The following ADAMTS19 variants were observed in gnomAD, a reference collection of about 807,000 sequenced individuals.
The protein encoded by ADAMTS19 is A disintegrin and metalloproteinase with thrombospondin motifs 19.
In ADAMTS19, 93 loss-of-function variants were observed where a neutral mutation model predicts 153.3. The observed-to-expected ratio is 0.61, with a 90% CI of 0.51 to 0.72. The LOEUF (loss-of-function observed/expected upper bound fraction) is 0.72, where lower values mean the gene tolerates loss of function less well. ADAMTS19 is among the 30% of genes least tolerant of loss of function. The probability of loss-of-function intolerance (pLI) is 0.00; values close to 1 mark genes in which losing one functional copy is unlikely to be tolerated. For missense variants in ADAMTS19, 1,482 were observed against 1,552.1 expected, an observed-to-expected ratio of 0.95 and a Z score of 0.76; for synonymous variants, 600 against 556.6, an observed-to-expected ratio of 1.08 and a Z score of -1.10.
At chr5:129,602,556 T>A (rs1750710987) in intron 8 of ADAMTS19, among the ~76,000 whole-genome samples, 1 of 152,334 alleles carries the variant, frequency 6.6e-6, no homozygotes, top group East Asian at 1.9e-4. Flanking sequence ...GTTATGATTG[T>A]CATTTTACAG....
intron 17 of ADAMTS19, among the ~76,000 whole-genome samples, chr5:129,681,956 G>C (rs431265): frequency 0.15 from 22,440 of 152,132 alleles, 1,826 homozygotes; most frequent in East Asian, 0.3. Context: ...TGATTGTATT[G>C]CATAAAATGC....
chr5:129,638,893 T>C (rs924609074), intron 10 of ADAMTS19, among the ~76,000 whole-genome samples: 4 of 152,180 alleles, frequency 2.6e-5, no homozygotes, highest in African/African-American at 9.7e-5. Flanking sequence ...TTTATAATAT[T>C]TGTACAGGAC....
In ADAMTS19 at chr5:129,724,265, TG is replaced by T. The variant is rs144214707; in HGVS notation, c.3313-10666del. ...AAATAAGTTTTGGAGTAAATTACTT[TG>T]ATTTCTTTCAGGGCCTGCTATCTGT... On this transcript the variant is annotated intron_variant, in intron 21 of 22. Coordinates refer to ENST00000274487, the MANE Select transcript of ADAMTS19 (RefSeq NM_133638.6). Among the ~76,000 whole-genome samples, 1,136 of 152,322 alleles carry T rather than the reference TG, an allele frequency of 7.5e-3. 20 individuals carry two copies. The highest frequency in any genetic ancestry group is 0.026 in the African/African-American group (1,084 of 41,578).
chr5:129,605,485 C>A (rs1284082029), intron 8 of ADAMTS19, among the ~76,000 whole-genome samples: 7 of 152,170 alleles, frequency 4.6e-5, no homozygotes, highest in African/African-American at 1.7e-4. Context: ...TTCTTTAGTT[C>A]TCCACTCACG....
At chr5:129,732,136 T>C (rs2127221658) in intron 21 of ADAMTS19, among the ~76,000 whole-genome samples, 1 of 152,248 alleles carries the variant, frequency 6.6e-6, no homozygotes, top group East Asian at 1.9e-4. Context: ...ATTTTACAAA[T>C]GAAAATAACA....
chr5:129,492,506 A>AGTGT (rs148015134), intron 2 of ADAMTS19, among the ~76,000 whole-genome samples: 3,019 of 146,442 alleles, frequency 0.021, 82 homozygotes, highest in African/African-American at 0.056. Flanking sequence ...ATTAAAGGTC[A>AGTGT]GTGTGTGTGT....
intron 2 of ADAMTS19, among the ~76,000 whole-genome samples, chr5:129,474,777 C>T (rs996891021): frequency 6.6e-6 from 1 of 152,106 alleles, no homozygotes; most frequent in African/African-American, 2.4e-5. Context: ...TTTTGGATTA[C>T]ATTTGTGGAT....
intron 6 of ADAMTS19, among the ~76,000 whole-genome samples, chr5:129,532,778 A>T (rs149543709): frequency 3.3e-4 from 51 of 152,306 alleles, no homozygotes; most frequent in East Asian, 2.9e-3. Context: ...TAATAAATGC[A>T]ACCACATGGA....
chr5:129,532,412 AC>A (rs548042524), intron 6 of ADAMTS19, among the ~76,000 whole-genome samples: 129 of 152,286 alleles, frequency 8.5e-4, no homozygotes, highest in African/African-American at 3.0e-3. Flanking sequence ...TTAAATTCAC[AC>A]CCACTTGAAA....
At chr5:129,608,116 G>GTATATATATATATATATATAATATATATA (rs1751013599) in intron 8 of ADAMTS19, among the ~76,000 whole-genome samples, 1 of 47,956 alleles carries the variant, frequency 2.1e-5, no homozygotes, top group Non-Finnish European at 5.0e-5. Flanking sequence ...GTGTGTGTGT[G>GTATATATATATATATATATAATATATATA]TATATATATA....
intron 8 of ADAMTS19, among the ~76,000 whole-genome samples, chr5:129,603,060 G>C (rs1031873705): frequency 4.0e-5 from 6 of 151,730 alleles, no homozygotes; most frequent in African/African-American, 1.2e-4. Flanking sequence ...AAAAAAAAAA[G>C]CTGAAGTAAA....
At chr5:129,600,674 A>G (rs891601438) in intron 8 of ADAMTS19, among the ~76,000 whole-genome samples, 1 of 152,156 alleles carries the variant, frequency 6.6e-6, no homozygotes, top group African/African-American at 2.4e-5. Context: ...ACTAGTGCAA[A>G]GGAATCTAAA....
intron 7 of ADAMTS19, among the ~76,000 whole-genome samples, chr5:129,564,357 C>T (rs6886728): frequency 0.024 from 3,614 of 151,920 alleles, 117 homozygotes; most frequent in African/African-American, 0.078. Context: ...TAATTTGCTA[C>T]GAAGCAATAG....
In ADAMTS19 at chr5:129,523,931, A is replaced by G. The variant is rs190537337; in HGVS notation, c.914-2353A>G. ...TCAGTGCTATTCCTATCAAGCTTCC[A>G]TTGACTTTCTTCACAGAATTAGAAA... On this transcript the variant is annotated intron_variant, in intron 3 of 22. Transcript: ENST00000274487. Among the ~76,000 whole-genome samples the G allele has an allele frequency of 2.4e-4, 37 of 152,298 alleles. No homozygotes were observed. The East Asian group carries it at 5.6e-3, about 23-fold the overall frequency.
chr5:129,583,144 G>C (rs986432549), intron 7 of ADAMTS19, among the ~76,000 whole-genome samples: 11 of 152,052 alleles, frequency 7.2e-5, no homozygotes, highest in African/African-American at 2.7e-4. Context: ...GTCTGTAAAG[G>C]ATTTTATTTC....
At chr5:129,687,398 T>C (rs1755142126) in intron 18 of ADAMTS19, among the ~76,000 whole-genome samples, 1 of 152,184 alleles carries the variant, frequency 6.6e-6, no homozygotes, top group Non-Finnish European at 1.5e-5. Flanking sequence ...TTTTATCTAA[T>C]AGAAGCTGCA....
chr5:129,461,507 C>T lies in ADAMTS19; in HGVS notation c.497C>T (p.Pro166Leu), dbSNP rs1320947835. Reference protein sequence around the residue: ...PSPPPAQHAEPDGDEVLLRIP... With the variant: ...PSPPPAQHAELDGDEVLLRIP... ...CCGCCCCCGGCCCAGCATGCCGAGC[C>T]GGATGGCGACGAAGTGTTGCTGCGG... is the stretch of plus-strand genomic sequence containing the variant. Residue 166 changes from proline (P) to leucine (L), a missense_variant, in exon 2 of 23, where the codon CCG becomes CTG. Pro to Leu is a moderately conservative substitution (Grantham distance 98). This residue lies in a region of ADAMTS19 where 866 missense variants were observed against 827.7 expected (regional missense o/e 1.05). Transcript: ENST00000274487. The surrounding 1 kb of genome is among the most constrained non-coding windows in gnomAD (Gnocchi z 4.6). 33 of 1,509,912 alleles carry T rather than the reference C, an allele frequency of 2.2e-5. 1 individual carries two copies. Among genetic ancestry groups the T allele is most frequent in the African/African-American group, 1.7e-4 (12 of 69,902 alleles). The allele number at this position is 1,509,912 out of a possible 1,614,324, so 93.5% of individuals were successfully genotyped here. A position where few individuals can be genotyped will look rare whatever the true frequency, so the allele number is the denominator to read the frequency against.
At chr5:129,613,904 A>G (rs1490343106) in intron 8 of ADAMTS19, among the ~76,000 whole-genome samples, 3 of 152,170 alleles carry the variant, frequency 2.0e-5, no homozygotes, top group Non-Finnish European at 4.4e-5. Context: ...AATACTATAA[A>G]CACCTCTACA....
chr5:129,510,115 G>T (rs1435248854), intron 3 of ADAMTS19, among the ~76,000 whole-genome samples: 1 of 151,776 alleles, frequency 6.6e-6, no homozygotes, highest in Non-Finnish European at 1.5e-5. Flanking sequence ...AATTTTCAGT[G>T]TAAGGACTTT....
Sources: allele counts gnomAD v4.1 joint callset (sites outside exome capture counted in the v4.1 genomes callset), GRCh38; gene constraint gnomAD v4.1.1; regional missense constraint gnomAD v4.1.1; non-coding constraint Gnocchi (gnomAD v3.1); transcripts MANE v1.5; gene names NCBI Gene and HGNC (gene_info 2026-07-23, HGNC 2026-07-21).